The following C6orf118 variants were observed in gnomAD, a reference collection of about 807,000 sequenced individuals.
The protein encoded by C6orf118 is uncharacterized protein C6orf118.
In C6orf118, 50 loss-of-function variants were observed where a neutral mutation model predicts 50.2. The ratio of observed to expected loss-of-function variants is 1.00; its 90% CI spans 0.79 to 1.26. C6orf118 has a LOEUF of 1.26. Ranked by LOEUF, C6orf118 falls within the 50% of genes most tolerant of loss-of-function variation. The pLI, the probability that C6orf118 is intolerant of heterozygous loss-of-function variation, is 0.00. For missense variants in C6orf118, 641 were observed against 578.7 expected, an observed-to-expected ratio of 1.11 and a Z score of -1.10; for synonymous variants, 239 against 230.9, an observed-to-expected ratio of 1.03 and a Z score of -0.32.
chr6:165,302,297 C>G lies in C6orf118; in HGVS notation c.26-1G>C, dbSNP rs780904648. The G allele has an allele frequency of 6.2e-7, 1 of 1,609,726 alleles. No homozygotes were observed. The highest frequency in any genetic ancestry group is 8.5e-7 in the Non-Finnish European group (1 of 1,179,402). The stretch of plus-strand genomic sequence containing the variant: ...TCGCAGTGCTTCCACTTCAGGTACA[C>G]TGGTCAGAAAAGAAAAGGAGGCTCT... On this transcript the variant is annotated splice_acceptor_variant, in intron 1 of 8. Transcript: ENST00000230301. LOFTEE classifies it high-confidence loss of function.
At chr6:165,301,092 C>A (rs1358652595) in intron 2 of C6orf118, among the ~76,000 whole-genome samples, 1 of 152,134 alleles carries the variant, frequency 6.6e-6, no homozygotes, top group Admixed American at 6.5e-5. Flanking sequence ...CCGCTATGGG[C>A]CTCCCCCAGC....
At chr6:165,289,766 T>C (rs1780040695) in intron 7 of C6orf118, 120 bp downstream of exon 7, 1 of 522,770 alleles carries the variant, frequency 1.9e-6, no homozygotes, top group African/African-American at 2.0e-5. Context: ...AAATAAAAAG[T>C]ACATTTGGGC....
At chr6:165,301,477 G>C in intron 2 of C6orf118, 92 bp downstream of exon 2, 1 of 1,489,402 alleles carries the variant, frequency 6.7e-7, no homozygotes, top group Non-Finnish European at 9.0e-7. Flanking sequence ...GCCCCGAGAG[G>C]TTTGCCCCAG....
At position 165,307,296 on chromosome 6, in the gene C6orf118, C is replaced by T. The variant is rs577099548; in HGVS notation, c.25+2266G>A. On this transcript the variant is annotated intron_variant, in intron 1 of 8. Transcript: ENST00000230301. ...AACTCAGGCTGGGTGCAGTGACTCACGCCTGTAATCTCAGCACTTTGGGAG... is the reference window on the plus strand; with the variant it reads ...AACTCAGGCTGGGTGCAGTGACTCATGCCTGTAATCTCAGCACTTTGGGAG... Among the ~76,000 whole-genome samples the T allele has an allele frequency of 5.4e-4, 78 of 144,984 alleles. No homozygotes were observed. The East Asian group carries it at 0.016, about 29-fold the overall frequency.
intron 5 of C6orf118, among the ~76,000 whole-genome samples, chr6:165,294,555 T>C (rs1447788683): frequency 6.6e-6 from 1 of 152,082 alleles, no homozygotes; most frequent in Non-Finnish European, 1.5e-5. Flanking sequence ...CATCACAGAT[T>C]AAGAGAGAAA....
rs566207470 is a variant in C6orf118, at chr6:165,303,327, A to C, written c.26-1031T>G. On this transcript the variant is annotated intron_variant, in intron 1 of 8. Coordinates refer to ENST00000230301, the MANE Select transcript of C6orf118 (RefSeq NM_144980.4). Reference sequence around the variant, plus strand: ...CTGGGACGCATTCAAAGCAGTGTGTAGAGGGAAATTTATAGCACTAAATGC... The same window carrying C: ...CTGGGACGCATTCAAAGCAGTGTGTCGAGGGAAATTTATAGCACTAAATGC... Among the ~76,000 whole-genome samples, 3 of 152,122 alleles carry C rather than the reference A, an allele frequency of 2.0e-5. No homozygotes were observed. The East Asian group carries it at 5.8e-4, about 30-fold the overall frequency.
intron 6 of C6orf118, among the ~76,000 whole-genome samples, chr6:165,291,634 C>T (rs1780109035): frequency 6.6e-6 from 1 of 151,778 alleles, no homozygotes; most frequent in South Asian, 2.1e-4. Flanking sequence ...ATACAGATCT[C>T]AAGCAAAAAA....
At position 165,297,893 on chromosome 6, in the gene C6orf118, T is replaced by G. The variant is rs549544206; in HGVS notation, c.1061+84A>C. 5.0e-6 allele frequency: 8 copies of G among 1,585,654 alleles called. No homozygotes were observed. In the East Asian group the frequency reaches 1.3e-4, roughly 27 times the overall value. On this transcript the variant is annotated intron_variant, in intron 5 of 8. Transcript: ENST00000230301. The stretch of plus-strand genomic sequence containing the variant: ...ATGTTTTCAGCAACGCAGAAATCAA[T>G]GTAACCGTAGGCTTGTCACAGCGGT...
chr6:165,285,325 G>A (rs1477798973), intron 7 of C6orf118, among the ~76,000 whole-genome samples: 1 of 152,078 alleles, frequency 6.6e-6, no homozygotes, highest in Non-Finnish European at 1.5e-5. Context: ...CAAGTTCTTA[G>A]AGACCTACAA....
At chr6:165,302,510 T>A (rs1780596650) in intron 1 of C6orf118, among the ~76,000 whole-genome samples, 1 of 152,060 alleles carries the variant, frequency 6.6e-6, no homozygotes. Context: ...CCCCAGGATG[T>A]GCAAGTCAAC....
chr6:165,301,741 C>T lies in C6orf118; in HGVS notation c.581G>A (p.Gly194Asp), dbSNP rs775750023. The T allele has an allele frequency of 6.2e-7, 1 of 1,614,126 alleles. No homozygotes were observed. The highest frequency in any genetic ancestry group is 1.1e-5 in the South Asian group (1 of 91,082). The change falls in exon 2 of 9, where the codon GGC becomes GAC. Residue 194 changes from glycine to aspartate, a missense_variant. Gly to Asp is a moderately conservative substitution (Grantham distance 94). Coordinates refer to ENST00000230301, the MANE Select transcript of C6orf118 (RefSeq NM_144980.4). ...GACATAGTGGTGCCGGTCCCTGGTG[C>T]CTCTGGACCCGGCCTCCTGGTAGCA... ...VLCYQEAGSR[G>D]TRDRHHYVSS...
chr6:165,281,989 A>G (rs1207570858), intron 7 of C6orf118: 1 of 199,906 alleles, frequency 5.0e-6, no homozygotes, highest in Non-Finnish European at 1.0e-5. Flanking sequence ...AACTAATGAT[A>G]GAATTTGTTA....
chr6:165,296,469 C>T (rs1780314909), intron 5 of C6orf118, among the ~76,000 whole-genome samples: 1 of 151,954 alleles, frequency 6.6e-6, no homozygotes, highest in Non-Finnish European at 1.5e-5. Context: ...AACCTACTTT[C>T]CTCAACCCAC....
chr6:165,297,864 TAGCATGTTTTC>T (rs1780364867), intron 5 of C6orf118, 102 bp downstream of exon 5: 1 of 1,474,276 alleles, frequency 6.8e-7, no homozygotes. Context: ...TTAGCAAAAG[TAGCATGTTTTC>T]AGCAACGCAG....
intron 7 of C6orf118, among the ~76,000 whole-genome samples, chr6:165,287,427 A>C (rs1361899384): frequency 6.6e-6 from 1 of 152,140 alleles, no homozygotes. Context: ...TAGAAAAAAA[A>C]ACTATTTTAA....
At chr6:165,285,992 T>A (rs1463942740) in intron 7 of C6orf118, among the ~76,000 whole-genome samples, 1 of 146,368 alleles carries the variant, frequency 6.8e-6, no homozygotes, top group Admixed American at 6.7e-5. Context: ...AGGAGATGGT[T>A]TTTTTGAAAA....
chr6:165,286,320 A>G (rs1779902760), intron 7 of C6orf118, among the ~76,000 whole-genome samples: 1 of 152,196 alleles, frequency 6.6e-6, no homozygotes, highest in African/African-American at 2.4e-5. Context: ...GCCCAGGACC[A>G]GATGGATTTA....
chr6:165,300,321 T>C (rs73788325), intron 3 of C6orf118, 43 bp downstream of exon 3: 2 of 1,609,076 alleles, frequency 1.2e-6, no homozygotes, highest in Admixed American at 1.7e-5. Flanking sequence ...CAGAACCTCA[T>C]GCAAGCTTCT....
At position 165,290,026 on chromosome 6, in the gene C6orf118, G is replaced by C; in HGVS notation, c.1162C>G (p.Leu388Val). 1 of 1,608,244 alleles carries C rather than the reference G, an allele frequency of 6.2e-7. No homozygotes were observed. The highest frequency in any genetic ancestry group is 8.5e-7 in the Non-Finnish European group (1 of 1,177,882). Residue 388 changes from leucine (L) to valine (V), a missense_variant, in exon 7 of 9, where the codon CTT (leucine) becomes GTT (valine). Transcript: ENST00000230301. ...CTCTTCTTTTCAACCTTCTCAGTAA[G>C]AGTAAGTCGGTTTTCATCAATTATA... ...KHIIDENRLT[L>V]TEKVEKKRCE...
Sources: allele counts gnomAD v4.1 joint callset (sites outside exome capture counted in the v4.1 genomes callset), GRCh38; gene constraint gnomAD v4.1.1; transcripts MANE v1.5; gene names NCBI Gene and HGNC (gene_info 2026-07-23, HGNC 2026-07-21).